The following MZT2A variants were observed in gnomAD, a reference collection of about 807,000 sequenced individuals.
The protein encoded by MZT2A is mitotic spindle organizing protein 2A, also known as mitotic-spindle organizing protein 2A.
Under a neutral mutation model 12.4 loss-of-function variants are expected in MZT2A, and 8 were observed. That is an observed-to-expected ratio of 0.64 (90% CI 0.38 to 1.16). The LOEUF (loss-of-function observed/expected upper bound fraction) is 1.16, where lower values mean the gene tolerates loss of function less well. Among genes scored for constraint, MZT2A ranks in the 50% most tolerant of loss-of-function variants. The probability of loss-of-function intolerance (pLI) is 0.01; values close to 1 mark genes in which losing one functional copy is unlikely to be tolerated. For synonymous variants in MZT2A, 88 were observed against 107.5 expected (o/e 0.82, Z 1.12); for missense variants, 181 against 223.6 (o/e 0.81, Z 1.22).
downstream of MZT2A, among the ~76,000 whole-genome samples, chr2:131,480,965 G>A (rs1678844082): frequency 6.6e-6 from 1 of 151,668 alleles, no homozygotes; most frequent in Admixed American, 6.6e-5. Flanking sequence ...GTGCAGTGGT[G>A]CGATCTCAGC....
chr2:131,480,243 C>T, downstream of MZT2A: 1 of 1,613,936 alleles, frequency 6.2e-7, no homozygotes, highest in Non-Finnish European at 8.5e-7. Flanking sequence ...CGTGGTGGAG[C>T]CCTACAACTC....
At chr2:131,483,940 A>C (rs1205810070), downstream of MZT2A, 21 of 1,441,288 alleles carry the variant, frequency 1.5e-5, no homozygotes, top group Admixed American at 5.0e-5. Context: ...AAAAAAAAAA[A>C]AAAAACAGTA....
At chr2:131,485,761 G>A (rs951948753) in intron 2 of MZT2A, among the ~76,000 whole-genome samples, 4 of 152,016 alleles carry the variant, frequency 2.6e-5, no homozygotes, top group African/African-American at 9.7e-5. Flanking sequence ...ACCCTGCAAA[G>A]GGAAACTGGA....
rs1329549906 is a variant in MZT2A at position 131,492,036 on chromosome 2, A to G, written c.171-12T>C. 4 of 1,549,612 alleles carry G rather than the reference A, an allele frequency of 2.6e-6. No individual in the cohort carries two copies. In the African/African-American group the frequency reaches 4.1e-5, roughly 16 times the overall value. ...GGTCCACCAGGATCCTGGCGGGGACAGACGCGGGGCCGGTGAGCCCTCTCC... is the reference window on the plus strand; with the variant it reads ...GGTCCACCAGGATCCTGGCGGGGACGGACGCGGGGCCGGTGAGCCCTCTCC... On this transcript the variant is annotated splice_polypyrimidine_tract_variant and intron_variant, in intron 1 of 2. Coordinates refer to ENST00000309451, the MANE Select transcript of MZT2A (RefSeq NM_001085365.2).
chr2:131,488,591 G>C (rs557682007), intron 2 of MZT2A, among the ~76,000 whole-genome samples: 9 of 151,918 alleles, frequency 5.9e-5, no homozygotes, highest in Admixed American at 5.9e-4. Context: ...CTCCACCCCA[G>C]ATTCTGCCAT....
At chr2:131,490,535 C>T in intron 2 of MZT2A, 1 of 1,471,188 alleles carries the variant, frequency 6.8e-7, no homozygotes, top group Admixed American at 2.3e-5. Context: ...GAGACTGCCA[C>T]ACCATGTCTC....
chr2:131,474,003 T>G (rs1455621118), intron 2 of MZT2A, among the ~76,000 whole-genome samples: 1 of 149,782 alleles, frequency 6.7e-6, no homozygotes, highest in African/African-American at 2.5e-5. Context: ...GGTGACTGTT[T>G]AAAGGCATTT....
At chr2:131,475,319 CTTTTTTTTTTTTTT>C (rs551443616) in intron 2 of MZT2A, among the ~76,000 whole-genome samples, 49 of 94,538 alleles carry the variant, frequency 5.2e-4, no homozygotes, top group South Asian at 4.1e-4. Flanking sequence ...TCCTTTCTTC[CTTTTTTTTTTTTTT>C]TTTTTTTTTT....
At chr2:131,479,430 C>T (rs758034894), downstream of MZT2A, 127 of 1,614,036 alleles carry the variant, frequency 7.9e-5, 4 homozygotes, top group South Asian at 1.4e-3. Context: ...GATTGTTGAC[C>T]TAGTCCTGGA....
chr2:131,476,270 GGACGTT>G (rs2105267197), intron 2 of MZT2A: 1 of 1,611,712 alleles, frequency 6.2e-7, no homozygotes, highest in Admixed American at 1.7e-5. Flanking sequence ...GTGGACAGAG[GGACGTT>G]GTTGCGGGCC....
At chr2:131,493,234 C>G, upstream of MZT2A, 3 of 1,363,466 alleles carry the variant, frequency 2.2e-6, no homozygotes, top group Non-Finnish European at 2.8e-6. Context: ...CCGCGAGCCC[C>G]AGGACTCGGG....
rs1446960978 is a variant in MZT2A, at chr2:131,484,198, C to G, written c.340G>C (p.Ala114Pro). The G allele has an allele frequency of 3.1e-6, 5 of 1,613,964 alleles. No individual in the cohort carries two copies. In the Admixed American group the frequency reaches 8.3e-5, roughly 27 times the overall value. The change falls in exon 3 of 3, where the codon GCC (alanine) becomes CCC (proline). Residue 114 changes from alanine (A) to proline (P), a missense_variant. Transcript: ENST00000309451. ...ETRGRDKGSA[A>P]LGGVLALAER... ...GCCAGGGCCAATACTCCCCCGAGGGCAGCGCTGCCTTTGTCTCTCCCTAAG... is the reference window on the plus strand; with the variant it reads ...GCCAGGGCCAATACTCCCCCGAGGGGAGCGCTGCCTTTGTCTCTCCCTAAG...
In MZT2A at chr2:131,477,014, C is replaced by CT. The variant is rs756413890; in HGVS notation, c.279-4833dup. ...GAATAGCTGTGGTTTGTCAGTTATC[C>CT]TTTTTTTCCTTTCTTTTTCTTTCTT... On this transcript the variant is annotated intron_variant and NMD_transcript_variant, in intron 2 of 4. Coordinates refer to the MZT2A transcript ENST00000427024. 3.4e-3 allele frequency among the ~76,000 whole-genome samples: 474 copies of CT among 140,418 alleles called. 16 individuals carry two copies. Among genetic ancestry groups the CT allele is most frequent in the Non-Finnish European group, 1.8e-3 (117 of 66,178 alleles). 92.1% of individuals were successfully genotyped at this position (140,418 alleles called of 152,430 possible). A position where few individuals can be genotyped will look rare whatever the true frequency, so the allele number is the denominator to read the frequency against.
chr2:131,486,857 C>T (rs1237218232), intron 2 of MZT2A, among the ~76,000 whole-genome samples: 3 of 152,056 alleles, frequency 2.0e-5, no homozygotes, highest in Admixed American at 6.6e-5. Context: ...TAACCGTAAG[C>T]CATAACTGAT....
Position 131,486,901 on chromosome 2 carries a change from G to T in MZT2A, c.320-2683C>A, listed in dbSNP as rs1014172641. Among the ~76,000 whole-genome samples, 7 of 152,160 alleles carry T rather than the reference G, an allele frequency of 4.6e-5. No homozygotes were observed. The South Asian group carries it at 1.0e-3, about 23-fold the overall frequency. On this transcript the variant is annotated intron_variant, in intron 2 of 2. Coordinates refer to ENST00000309451, the MANE Select transcript of MZT2A (RefSeq NM_001085365.2). ...AATCCTGGAAATCTTCAGGAATTGC[G>T]TGCTCTCGGGGCTAGTGGGGAGCCC...
rs1678957108 is a variant in MZT2A, at chr2:131,484,108, G to T, written c.430C>A (p.Pro144Thr). 6.2e-7 allele frequency: 1 copy of T among 1,613,916 alleles called. No individual in the cohort carries two copies. Among genetic ancestry groups the T allele is most frequent in the Non-Finnish European group, 8.5e-7 (1 of 1,179,908 alleles). ...CTCTTCCCAGGCCCGCCCCCCTTGG[G>T]CAGCCTGGTAGCGCTGGGCTGGCGT... ...MPRQPSATRL[P>T]KGGGPGKSPT... The change falls in exon 3 of 3, where the codon CCC (proline) becomes ACC (threonine). Residue 144 changes from proline to threonine, a missense_variant. Pro to Thr is a conservative substitution (Grantham distance 38). This residue lies in a region of MZT2A where 72 missense variants were observed against 76.9 expected (regional missense o/e 0.94). Coordinates refer to ENST00000309451, the MANE Select transcript of MZT2A (RefSeq NM_001085365.2).
At chr2:131,492,529 T>C (rs955866032), upstream of MZT2A, 145 of 1,117,726 alleles carry the variant, frequency 1.3e-4, 2 homozygotes, top group East Asian at 8.3e-3. Flanking sequence ...CTCGGCGTCA[T>C]TGGAGCCCAA....
chr2:131,492,785 G>A, upstream of MZT2A: 2 of 1,354,880 alleles, frequency 1.5e-6, no homozygotes, highest in Non-Finnish European at 1.9e-6. Flanking sequence ...GCTCTTCGGG[G>A]GGGGTGGGGG....
At chr2:131,478,980 C>T (rs2261455), downstream of MZT2A, among the ~76,000 whole-genome samples, 7 of 152,190 alleles carry the variant, frequency 4.6e-5, no homozygotes, top group Non-Finnish European at 8.8e-5. Context: ...GTAAGAGTTT[C>T]TAACTTACAG....
Sources: allele counts gnomAD v4.1 joint callset (sites outside exome capture counted in the v4.1 genomes callset), GRCh38; gene constraint gnomAD v4.1.1; regional missense constraint gnomAD v4.1.1; transcripts MANE v1.5; gene names NCBI Gene and HGNC (gene_info 2026-07-23, HGNC 2026-07-21).